The following PDE4B variants were observed in gnomAD, a reference collection of about 807,000 sequenced individuals.
PDE4B encodes the protein 3',5'-cyclic-AMP phosphodiesterase 4B.
In PDE4B, 20 loss-of-function variants were observed where a neutral mutation model predicts 82.2. The observed-to-expected ratio is 0.24, with a 90% CI of 0.17 to 0.35. The LOEUF is 0.35. Among genes scored for constraint, PDE4B ranks in the 10% least tolerant of loss-of-function variants. The probability of loss-of-function intolerance (pLI) is 1.00; values close to 1 mark genes in which losing one functional copy is unlikely to be tolerated. For synonymous variants in PDE4B, 320 were observed against 318.9 expected, an observed-to-expected ratio of 1.00 and a Z score of -0.04; for missense variants, 655 against 907.2, an observed-to-expected ratio of 0.72 and a Z score of 3.57.
At chr1:65,942,343 C>G (rs1037429860) in intron 3 of PDE4B, among the ~76,000 whole-genome samples, 1 of 151,878 alleles carries the variant, frequency 6.6e-6, no homozygotes, top group Non-Finnish European at 1.5e-5. Flanking sequence ...CATGTTGTCA[C>G]AAATGACAGA....
intron 3 of PDE4B, among the ~76,000 whole-genome samples, chr1:66,139,403 T>C (rs1028754874): frequency 6.6e-6 from 1 of 152,022 alleles, no homozygotes. Context: ...TCCCTCCATC[T>C]TCAAGCCAGC....
chr1:65,876,231 G>A (rs1328037341), intron 1 of PDE4B, among the ~76,000 whole-genome samples: 1 of 151,560 alleles, frequency 6.6e-6, no homozygotes, highest in Non-Finnish European at 1.5e-5. Context: ...ATAGATTCAC[G>A]GTATGCTTTT....
At chr1:66,077,908 A>G (rs549455766) in intron 3 of PDE4B, among the ~76,000 whole-genome samples, 4 of 152,312 alleles carry the variant, frequency 2.6e-5, no homozygotes, top group African/African-American at 7.2e-5. Flanking sequence ...TCAAATGATT[A>G]TCACATTCTC....
At chr1:65,968,634 G>A (rs181236795) in intron 3 of PDE4B, among the ~76,000 whole-genome samples, 1 of 152,196 alleles carries the variant, frequency 6.6e-6, no homozygotes, top group Admixed American at 6.5e-5. Context: ...CTCCTAAATT[G>A]CATTTCCTTG....
At chr1:66,275,031 AT>A in intron 7 of PDE4B, among the ~76,000 whole-genome samples, 1 of 152,304 alleles carries the variant, frequency 6.6e-6, no homozygotes, top group Middle Eastern at 3.4e-3. Flanking sequence ...CAGCTCATAC[AT>A]GGGAAAGCTG....
chr1:66,026,408 G>A (rs1233184839), intron 3 of PDE4B, among the ~76,000 whole-genome samples: 1 of 152,180 alleles, frequency 6.6e-6, no homozygotes, highest in Non-Finnish European at 1.5e-5. Context: ...AGGTGAGGCT[G>A]TATCATGGCA....
chr1:66,352,580 G>T (rs569856199), intron 8 of PDE4B, among the ~76,000 whole-genome samples: 1 of 152,158 alleles, frequency 6.6e-6, no homozygotes, highest in Non-Finnish European at 1.5e-5. Flanking sequence ...CAGAGTTGCC[G>T]ATATAGCTAG....
chr1:66,093,948 TCTC>T (rs1227531016), intron 3 of PDE4B, among the ~76,000 whole-genome samples: 2 of 152,046 alleles, frequency 1.3e-5, no homozygotes, highest in African/African-American at 4.8e-5. Flanking sequence ...TTATTGAACT[TCTC>T]CTATATGCCA....
chr1:65,988,703 T>G (rs769034059), intron 3 of PDE4B, among the ~76,000 whole-genome samples: 9 of 152,170 alleles, frequency 5.9e-5, no homozygotes, highest in Non-Finnish European at 1.2e-4. Flanking sequence ...TTCTCAAATA[T>G]CCAGCTTTGT....
chr1:66,099,760 G>A (rs752250577), intron 3 of PDE4B, among the ~76,000 whole-genome samples: 14 of 152,028 alleles, frequency 9.2e-5, no homozygotes, highest in Non-Finnish European at 1.5e-4. Flanking sequence ...AAAATGTTGA[G>A]GTGGGCGCCA....
intron 1 of PDE4B, among the ~76,000 whole-genome samples, chr1:65,909,084 G>A (rs748466202): frequency 5.3e-5 from 8 of 152,096 alleles, no homozygotes; most frequent in Non-Finnish European, 1.2e-4. Context: ...TTGTTAAGGA[G>A]GAGAGAATAG....
chr1:65,866,659 G>C (rs947277868), intron 1 of PDE4B, among the ~76,000 whole-genome samples: 1 of 152,136 alleles, frequency 6.6e-6, no homozygotes, highest in Non-Finnish European at 1.5e-5. Context: ...GCAACCTCTA[G>C]ATATGACTAC....
intron 3 of PDE4B, among the ~76,000 whole-genome samples, chr1:66,066,136 T>A (rs1655833350): frequency 6.6e-6 from 1 of 151,604 alleles, no homozygotes; most frequent in Admixed American, 6.6e-5. Context: ...ATTTGTATAT[T>A]TAAAAATAGA....
chr1:65,932,722 A>T (rs1647907201), intron 3 of PDE4B, among the ~76,000 whole-genome samples: 2 of 152,186 alleles, frequency 1.3e-5, no homozygotes, highest in African/African-American at 4.8e-5. Context: ...CATGAACATG[A>T]GTATTTCAAC....
rs527650914 is a variant in PDE4B at position 66,090,516 on chromosome 1, T to C, written c.282-156944T>C. Among the ~76,000 whole-genome samples the C allele has an allele frequency of 3.3e-5, 5 of 151,198 alleles. No homozygotes were observed. In the South Asian group the frequency reaches 1.0e-3, roughly 32 times the overall value. ...CTTGACCAATTTTGGGACATTCCTT[T>C]GTTCTTATAAGTGTTATCATAGTCA... is the stretch of plus-strand genomic sequence containing the variant. On this transcript the variant is annotated intron_variant, in intron 3 of 16. Coordinates refer to ENST00000341517, the MANE Select transcript of PDE4B (RefSeq NM_002600.4).
At chr1:66,240,217 GT>G (rs1205288219) in intron 3 of PDE4B, among the ~76,000 whole-genome samples, 2 of 152,210 alleles carry the variant, frequency 1.3e-5, no homozygotes, top group African/African-American at 4.8e-5. Flanking sequence ...TCTGTGGTGG[GT>G]ATCAAGGGGA....
chr1:65,947,905 A>G (rs1321260147), intron 3 of PDE4B, among the ~76,000 whole-genome samples: 1 of 150,266 alleles, frequency 6.7e-6, no homozygotes, highest in Non-Finnish European at 1.5e-5. Flanking sequence ...TATAGCAGCC[A>G]TAGGAAACTA....
intron 3 of PDE4B, among the ~76,000 whole-genome samples, chr1:65,924,234 C>T (rs1448881298): frequency 2.7e-5 from 4 of 146,320 alleles, no homozygotes; most frequent in African/African-American, 1.0e-4. Flanking sequence ...GCCACTACGC[C>T]CGGCTAATTT....
At chr1:66,248,657 G>A (rs1335038304) in intron 4 of PDE4B, among the ~76,000 whole-genome samples, 1 of 152,202 alleles carries the variant, frequency 6.6e-6, no homozygotes, top group East Asian at 1.9e-4. Context: ...CACACATTGT[G>A]TCAATCTCTG....
Sources: gnomAD v4.1 joint callset for allele counts (sites outside exome capture counted in the v4.1 genomes callset) on GRCh38, gnomAD v4.1.1 for gene constraint, MANE v1.5 for transcripts, NCBI Gene and HGNC (gene_info 2026-07-23, HGNC 2026-07-21) for gene names.